The following SHISA9 variants were observed in gnomAD, a reference collection of about 807,000 sequenced individuals.
SHISA9 encodes the protein protein shisa-9.
Under a neutral mutation model 38.0 loss-of-function variants are expected in SHISA9, and 13 were observed. That is an observed-to-expected ratio of 0.34 (90% CI 0.22 to 0.54). The LOEUF is 0.54. Ranked by LOEUF, SHISA9 falls within the 20% of genes least tolerant of loss-of-function variation. SHISA9 has a pLI of 0.91. For missense variants in SHISA9, 538 were observed against 575.8 expected (o/e 0.93, Z 0.67); for synonymous variants, 275 against 242.0 (o/e 1.14, Z -1.27).
At chr16:13,320,034 C>T in the SHISA9 span, among the ~76,000 whole-genome samples, 4 of 151,362 alleles carry the variant, frequency 2.6e-5, no homozygotes, top group Non-Finnish European at 2.9e-5. Context: ...GGCTCGCACC[C>T]GTAATCCAAG....
the SHISA9 span, among the ~76,000 whole-genome samples, chr16:13,559,238 C>T: frequency 2.0e-5 from 3 of 151,988 alleles, no homozygotes; most frequent in East Asian, 3.8e-4. Context: ...ATGCTAGAAA[C>T]GATTCTAGAG....
At chr16:13,128,209 C>G (rs1196833288) in intron 2 of SHISA9, among the ~76,000 whole-genome samples, 1 of 152,126 alleles carries the variant, frequency 6.6e-6, no homozygotes, top group Non-Finnish European at 1.5e-5. Flanking sequence ...CAAAAAGGCT[C>G]TCCTGGGTGA....
At chr16:12,902,867 T>TGTGTGTGTGTGTGTGTGTGTGA (rs1177790785) in intron 1 of SHISA9, 1 of 502,382 alleles carries the variant, frequency 2.0e-6, no homozygotes, top group African/African-American at 2.0e-5. Flanking sequence ...TGTGTGTGTG[T>TGTGTGTGTGTGTGTGTGTGTGA]GACTCTGCTC....
intron 2 of SHISA9, among the ~76,000 whole-genome samples, chr16:13,170,456 A>T (rs1027652395): frequency 2.6e-5 from 4 of 152,096 alleles, no homozygotes; most frequent in African/African-American, 9.7e-5. Flanking sequence ...CAACACATGG[A>T]TGCGTGGCAG....
chr16:13,080,478 G>C (rs942434555), intron 2 of SHISA9, among the ~76,000 whole-genome samples: 2 of 152,172 alleles, frequency 1.3e-5, no homozygotes, highest in Non-Finnish European at 2.9e-5. Context: ...TGTCCCATTG[G>C]TCTAGTGTGG....
At chr16:13,113,348 G>C (rs2073998932) in intron 2 of SHISA9, among the ~76,000 whole-genome samples, 1 of 152,158 alleles carries the variant, frequency 6.6e-6, no homozygotes, top group African/African-American at 2.4e-5. Context: ...CAGAGTATCT[G>C]CTGTCTCTTT....
the SHISA9 span, among the ~76,000 whole-genome samples, chr16:13,529,029 C>A: frequency 6.6e-6 from 1 of 152,166 alleles, no homozygotes; most frequent in Non-Finnish European, 1.5e-5. Context: ...TCCCTCTTGG[C>A]CAAGGGGACC....
chr16:12,925,871 A>G (rs576451572), intron 2 of SHISA9, among the ~76,000 whole-genome samples: 62 of 152,240 alleles, frequency 4.1e-4, no homozygotes, highest in African/African-American at 1.4e-3. Flanking sequence ...TATCACATGC[A>G]TGCTCTTTTT....
At chr16:13,492,244 G>T in the SHISA9 span, among the ~76,000 whole-genome samples, 1 of 152,110 alleles carries the variant, frequency 6.6e-6, no homozygotes, top group African/African-American at 2.4e-5. Flanking sequence ...GCGAGCACTG[G>T]GGAAAATGTG....
At position 13,099,564 on chromosome 16, in the gene SHISA9, G is replaced by T. The variant is rs1218136277; in HGVS notation, c.692-103830G>T. On this transcript the variant is annotated intron_variant, in intron 2 of 4. Transcript: ENST00000558583. ...GGAGGGAGTGGGCAGTGAGGATATC[G>T]GGAAGTGTTCCAAGCAGAGGGACCA... is the stretch of plus-strand genomic sequence containing the variant. Among the ~76,000 whole-genome samples, 12 of 151,946 alleles carry T rather than the reference G, an allele frequency of 7.9e-5. No individual in the cohort carries two copies. The East Asian group carries it at 2.3e-3, about 29-fold the overall frequency.
the SHISA9 span, among the ~76,000 whole-genome samples, chr16:13,544,314 G>A: frequency 6.7e-6 from 1 of 148,616 alleles, no homozygotes; most frequent in African/African-American, 2.5e-5. Flanking sequence ...CCTCAGAAGG[G>A]TAAAGTACCA....
chr16:13,031,534 G>A (rs1292600990), intron 2 of SHISA9, among the ~76,000 whole-genome samples: 2 of 152,116 alleles, frequency 1.3e-5, no homozygotes, highest in Admixed American at 1.3e-4. Context: ...GGCAGCCAAG[G>A]GTAAGGCAAT....
At chr16:13,444,423 G>A in the SHISA9 span, among the ~76,000 whole-genome samples, 29 of 149,950 alleles carry the variant, frequency 1.9e-4, no homozygotes, top group Non-Finnish European at 3.6e-4. Context: ...GAGGGAGGAA[G>A]GAAGGAAGGA....
intron 2 of SHISA9, among the ~76,000 whole-genome samples, chr16:13,050,833 C>T (rs905713768): frequency 1.3e-5 from 2 of 152,148 alleles, no homozygotes; most frequent in African/African-American, 4.8e-5. Flanking sequence ...TCCTAATCTC[C>T]TAAAGATTCA....
At position 12,939,175 on chromosome 16, in the gene SHISA9, C is replaced by T. The variant is rs537356939; in HGVS notation, c.691+22360C>T. Among the ~76,000 whole-genome samples, 4 of 152,252 alleles carry T rather than the reference C, an allele frequency of 2.6e-5. No homozygotes were observed. The East Asian group carries it at 7.8e-4, about 30-fold the overall frequency. On this transcript the variant is annotated intron_variant, in intron 2 of 4. Coordinates refer to ENST00000558583, the MANE Select transcript of SHISA9 (RefSeq NM_001145204.3). ...CTTGGCTCACTGCAGCTTCTGTCTTCCAAGTTCAAGCGATTCTCCTGCCTT... is the reference window on the plus strand; with the variant it reads ...CTTGGCTCACTGCAGCTTCTGTCTTTCAAGTTCAAGCGATTCTCCTGCCTT...
chr16:13,391,442 G>A, the SHISA9 span, among the ~76,000 whole-genome samples: 2 of 152,180 alleles, frequency 1.3e-5, no homozygotes, highest in African/African-American at 4.8e-5. Flanking sequence ...CAGAGTTAGA[G>A]AGAAGAGATA....
chr16:13,041,857 C>A (rs932890928), intron 2 of SHISA9, among the ~76,000 whole-genome samples: 3 of 152,120 alleles, frequency 2.0e-5, no homozygotes, highest in Admixed American at 2.0e-4. Context: ...TAATAAACTC[C>A]CTGGGGATTC....
intron 2 of SHISA9, among the ~76,000 whole-genome samples, chr16:13,066,142 A>G (rs566995161): frequency 3.4e-4 from 52 of 152,230 alleles, no homozygotes; most frequent in Non-Finnish European, 6.5e-4. Flanking sequence ...TCCTCTTGCT[A>G]TGGTGATAAC....
chr16:12,980,476 TTTTAAAA>T (rs2072225790), intron 2 of SHISA9, among the ~76,000 whole-genome samples: 1 of 152,174 alleles, frequency 6.6e-6, no homozygotes, highest in African/African-American at 2.4e-5. Context: ...ATTTCTTTCT[TTTTAAAA>T]ATTCGATGTG....
Sources: allele counts gnomAD v4.1 joint callset (sites outside exome capture counted in the v4.1 genomes callset), GRCh38; gene constraint gnomAD v4.1.1; transcripts MANE v1.5; gene names NCBI Gene and HGNC (gene_info 2026-07-23, HGNC 2026-07-21).